DNAJC1: variants seen among roughly 807,000 people sequenced by gnomAD.
The protein encoded by DNAJC1 is DnaJ heat shock protein family (Hsp40) member C1, also known as dnaJ homolog subfamily C member 1.
DNAJC1 carries 58 observed loss-of-function variants against 76.6 expected under a neutral mutation model. That is an observed-to-expected ratio of 0.76 (90% confidence interval 0.61 to 0.94). The LOEUF (loss-of-function observed/expected upper bound fraction) is 0.94, where lower values mean the gene tolerates loss of function less well. Among genes scored for constraint, DNAJC1 ranks in the 40% least tolerant of loss-of-function variants. The pLI is 0.00. For missense variants in DNAJC1, 689 were observed against 677.3 expected (o/e 1.02, Z -0.19); for synonymous variants, 258 against 267.9 (o/e 0.96, Z 0.36).
chr10:21,996,056 A>G (rs1327646285), intron 1 of DNAJC1, among the ~76,000 whole-genome samples: 1 of 152,212 alleles, frequency 6.6e-6, no homozygotes, highest in Non-Finnish European at 1.5e-5. Flanking sequence ...TTTTGATGAA[A>G]ATAAAGATTT....
intron 7 of DNAJC1, among the ~76,000 whole-genome samples, chr10:21,883,437 A>T (rs2131723338): frequency 6.6e-6 from 1 of 152,328 alleles, no homozygotes; most frequent in Middle Eastern, 3.4e-3. Context: ...CCAATGTAAC[A>T]AAATCAGTAT....
At position 21,892,812 on chromosome 10, in the gene DNAJC1, T is replaced by C. The variant is rs549551407; in HGVS notation, c.821-10373A>G. Among the ~76,000 whole-genome samples, 138 of 152,000 alleles carry C rather than the reference T, an allele frequency of 9.1e-4. No homozygotes were observed. The South Asian group carries it at 0.013, about 15-fold the overall frequency. On this transcript the variant is annotated intron_variant, in intron 7 of 11. Coordinates refer to ENST00000376980, the MANE Select transcript of DNAJC1 (RefSeq NM_022365.4). Reference sequence around the variant, plus strand: ...AATGAAGAGAGACATTATATAATGATAAAAAGATCCACCAAGATGGCATAG... The same window carrying C: ...AATGAAGAGAGACATTATATAATGACAAAAAGATCCACCAAGATGGCATAG...
In DNAJC1 at chr10:21,881,117, C is replaced by T. The variant is rs1011234888; in HGVS notation, c.978+1165G>A. On this transcript the variant is annotated intron_variant, in intron 8 of 11. Transcript: ENST00000376980. The stretch of plus-strand genomic sequence containing the variant: ...CTGCTAGCTTCCAACTTTTCTTCTG[C>T]AGCTTCCTCACTTCTCTTGGCCTTC... Among the ~76,000 whole-genome samples, 3 of 152,322 alleles carry T rather than the reference C, an allele frequency of 2.0e-5. No homozygotes were observed. In the East Asian group the frequency reaches 5.8e-4, roughly 29 times the overall value.
At chr10:21,786,074 A>T (rs1244826908) in intron 9 of DNAJC1, among the ~76,000 whole-genome samples, 1 of 152,016 alleles carries the variant, frequency 6.6e-6, no homozygotes, top group Non-Finnish European at 1.5e-5. Context: ...GTATAGTACA[A>T]AGGGGACACA....
chr10:22,003,070 G>A, intron 1 of DNAJC1, 143 bp downstream of exon 1: 2 of 1,299,472 alleles, frequency 1.5e-6, no homozygotes, highest in Non-Finnish European at 2.0e-6. Context: ...CAAGGCTGAG[G>A]ACCCCGGTGA....
At chr10:21,801,490 CT>C (rs1434358231) in intron 9 of DNAJC1, among the ~76,000 whole-genome samples, 18 of 152,242 alleles carry the variant, frequency 1.2e-4, no homozygotes, top group African/African-American at 4.3e-4. Flanking sequence ...ATAACAAATG[CT>C]GGCAAGGTTG....
At chr10:21,846,893 T>C (rs947058047) in intron 8 of DNAJC1, among the ~76,000 whole-genome samples, 3 of 151,946 alleles carry the variant, frequency 2.0e-5, no homozygotes, top group African/African-American at 7.2e-5. Flanking sequence ...TTTTTTTTTT[T>C]TTTAAACTCC....
chr10:21,908,251 G>T lies in DNAJC1; in HGVS notation c.730-3639C>A, dbSNP rs1293570508. 1.5e-4 allele frequency among the ~76,000 whole-genome samples: 5 copies of T among 32,358 alleles called. 1 individual carries two copies. The highest frequency in any genetic ancestry group is 2.3e-4 in the Non-Finnish European group (5 of 22,088). 21.2% of individuals were successfully genotyped at this position (32,358 alleles called of 152,430 possible). On this transcript the variant is annotated intron_variant, in intron 6 of 11. Transcript: ENST00000376980. ...ATATATAAAATATATATAATATAGA[G>T]AAAATATATATATATATTTTATATA...
intron 8 of DNAJC1, among the ~76,000 whole-genome samples, chr10:21,833,419 C>T (rs1451637773): frequency 2.0e-5 from 3 of 152,014 alleles, no homozygotes; most frequent in Non-Finnish European, 4.4e-5. Context: ...TGCAGTGAGC[C>T]GAGATGGTGC....
At chr10:21,907,288 CATTT>C (rs1362357344) in intron 6 of DNAJC1, among the ~76,000 whole-genome samples, 1 of 151,894 alleles carries the variant, frequency 6.6e-6, no homozygotes, top group African/African-American at 2.4e-5. Context: ...CATTTCTAAG[CATTT>C]ATTTAAACAT....
rs1426439932 is a variant in DNAJC1, at chr10:21,794,370, A to G, written c.1098+11610T>C. Among the ~76,000 whole-genome samples the G allele has an allele frequency of 2.6e-5, 4 of 152,206 alleles. No individual in the cohort carries two copies. The East Asian group carries it at 7.7e-4, about 29-fold the overall frequency. ...TTAATAAAAGAAGAACCAGATTTGC[A>G]TATTGAAAACACTGTAGACAGAACT... On this transcript the variant is annotated intron_variant, in intron 9 of 11. Coordinates refer to ENST00000376980, the MANE Select transcript of DNAJC1 (RefSeq NM_022365.4).
chr10:21,793,314 G>C (rs1834713172), intron 9 of DNAJC1, among the ~76,000 whole-genome samples: 1 of 152,032 alleles, frequency 6.6e-6, no homozygotes, highest in Non-Finnish European at 1.5e-5. Flanking sequence ...GGGGTTGGGG[G>C]GCCGGGAAAG....
chr10:21,843,726 GA>G (rs912571434), intron 8 of DNAJC1, among the ~76,000 whole-genome samples: 3 of 150,956 alleles, frequency 2.0e-5, no homozygotes, highest in African/African-American at 7.3e-5. Flanking sequence ...TCAAAATTCA[GA>G]AATGATTTTA....
At chr10:21,829,641 T>C (rs1835323563) in intron 8 of DNAJC1, among the ~76,000 whole-genome samples, 2 of 152,226 alleles carry the variant, frequency 1.3e-5, no homozygotes, top group Admixed American at 6.5e-5. Flanking sequence ...CGTGAGCCAC[T>C]GGGCTGGGCC....
intron 1 of DNAJC1, among the ~76,000 whole-genome samples, chr10:21,992,669 G>A (rs1838345769): frequency 6.6e-6 from 1 of 152,102 alleles, no homozygotes; most frequent in South Asian, 2.1e-4. Context: ...TGCTCTAAGG[G>A]ATCAATGGCT....
intron 3 of DNAJC1, among the ~76,000 whole-genome samples, chr10:21,923,375 A>G (rs558755881): frequency 2.0e-5 from 3 of 152,156 alleles, no homozygotes; most frequent in East Asian, 3.9e-4. Context: ...CAAAGTACAC[A>G]CAGACACTTT....
chr10:21,898,187 C>G (rs1836576231), intron 7 of DNAJC1, among the ~76,000 whole-genome samples: 1 of 152,006 alleles, frequency 6.6e-6, no homozygotes, highest in African/African-American at 2.4e-5. Context: ...CTAACAACTA[C>G]AAAAGACTGA....
chr10:21,782,278 C>T (rs1834541731), intron 9 of DNAJC1, among the ~76,000 whole-genome samples: 2 of 152,178 alleles, frequency 1.3e-5, no homozygotes, highest in African/African-American at 4.8e-5. Flanking sequence ...TGCAAATAAA[C>T]TAGAAAATCT....
At chr10:21,861,379 T>C (rs1276726839) in intron 8 of DNAJC1, among the ~76,000 whole-genome samples, 1 of 152,160 alleles carries the variant, frequency 6.6e-6, no homozygotes, top group Non-Finnish European at 1.5e-5. Context: ...CAAATCCTAA[T>C]AGACTTAACC....
Sources: allele counts gnomAD v4.1 joint callset (sites outside exome capture counted in the v4.1 genomes callset), GRCh38; gene constraint gnomAD v4.1.1; transcripts MANE v1.5; gene names NCBI Gene and HGNC (gene_info 2026-07-23, HGNC 2026-07-21).